AKAP6: variants seen among roughly 807,000 people sequenced by gnomAD.
AKAP6 encodes A-kinase anchor protein 6.
In AKAP6, 58 loss-of-function variants were observed where a neutral mutation model predicts 188.5. That is an observed-to-expected ratio of 0.31 (90% CI 0.25 to 0.38). The LOEUF (loss-of-function observed/expected upper bound fraction) is 0.38, where lower values mean the gene tolerates loss of function less well. Ranked by LOEUF, AKAP6 falls within the 10% of genes least tolerant of loss-of-function variation. AKAP6 has a pLI of 1.00. For missense variants in AKAP6, 2,710 were observed against 2,740.0 expected, an observed-to-expected ratio of 0.99 and a Z score of 0.24; for synonymous variants, 989 against 998.6, an observed-to-expected ratio of 0.99 and a Z score of 0.18.
chr14:32,731,039 T>C (rs1196908074), intron 9 of AKAP6, among the ~76,000 whole-genome samples: 1 of 152,170 alleles, frequency 6.6e-6, no homozygotes, highest in African/African-American at 2.4e-5. Context: ...CCACTATGCA[T>C]ATTCATGTAA....
intron 9 of AKAP6, among the ~76,000 whole-genome samples, chr14:32,714,711 TCA>T (rs2030090836): frequency 6.6e-6 from 1 of 151,930 alleles, no homozygotes; most frequent in Admixed American, 6.6e-5. Flanking sequence ...CAAATGCCCC[TCA>T]GTTTTTTTCA....
At chr14:32,790,382 A>G (rs1446291777) in intron 12 of AKAP6, among the ~76,000 whole-genome samples, 2 of 152,154 alleles carry the variant, frequency 1.3e-5, no homozygotes, top group South Asian at 4.1e-4. Context: ...CCCCAGTAAG[A>G]TATTCCATGA....
At chr14:32,750,148 T>A (rs530945490) in intron 11 of AKAP6, among the ~76,000 whole-genome samples, 8 of 152,320 alleles carry the variant, frequency 5.3e-5, no homozygotes, top group Non-Finnish European at 8.8e-5. Flanking sequence ...TTAAATATTT[T>A]GCTACATGGA....
At chr14:32,647,218 A>G (rs1029686651) in intron 7 of AKAP6, among the ~76,000 whole-genome samples, 1 of 152,140 alleles carries the variant, frequency 6.6e-6, no homozygotes. Context: ...GCTCAGGCCA[A>G]CATCCCTTAT....
At chr14:32,760,101 G>A (rs1019816682) in intron 11 of AKAP6, among the ~76,000 whole-genome samples, 8 of 152,084 alleles carry the variant, frequency 5.3e-5, no homozygotes, top group African/African-American at 1.7e-4. Flanking sequence ...AGACATGAAC[G>A]GAATCTGAGA....
In AKAP6 at chr14:32,836,845, C is replaced by T. The variant is rs1045473331; in HGVS notation, c.*7040C>T. ...TTTATGTGCTGCCCCAGGTAATCCACAGGCACAAAGAACTTGAGCTTCCTG... is the reference window on the plus strand; with the variant it reads ...TTTATGTGCTGCCCCAGGTAATCCATAGGCACAAAGAACTTGAGCTTCCTG... On this transcript the variant is annotated 3_prime_UTR_variant, in exon 14 of 14. Transcript: ENST00000280979. 2.0e-5 allele frequency: 3 copies of T among 152,262 alleles called. No homozygotes were observed. The highest frequency in any genetic ancestry group is 3.4e-3 in the Middle Eastern group (1 of 294). 9.4% of individuals were successfully genotyped at this position (152,262 alleles called of 1,614,324 possible).
chr14:32,398,862 T>TG (rs1888979189), intron 1 of AKAP6, among the ~76,000 whole-genome samples: 1 of 144,016 alleles, frequency 6.9e-6, no homozygotes, highest in Non-Finnish European at 1.5e-5. Flanking sequence ...TTTTTTTTTT[T>TG]TTTTTTTTTG....
chr14:32,517,207 G>T (rs1881569337), intron 2 of AKAP6, among the ~76,000 whole-genome samples: 1 of 152,188 alleles, frequency 6.6e-6, no homozygotes, highest in African/African-American at 2.4e-5. Context: ...TTTCCTTTAT[G>T]AATTTTACCT....
intron 4 of AKAP6, among the ~76,000 whole-genome samples, chr14:32,553,781 C>G (rs1368319943): frequency 6.6e-6 from 1 of 152,216 alleles, no homozygotes; most frequent in African/African-American, 2.4e-5. Flanking sequence ...AAGGGATGGT[C>G]TGTTCCCAAT....
At chr14:32,819,623 G>A (rs1277900036) in intron 12 of AKAP6, among the ~76,000 whole-genome samples, 1 of 152,106 alleles carries the variant, frequency 6.6e-6, no homozygotes, top group Non-Finnish European at 1.5e-5. Context: ...ATTGACTCAA[G>A]ACCACACTAG....
chr14:32,554,847 G>A (rs1028167873), intron 4 of AKAP6, among the ~76,000 whole-genome samples: 5 of 152,132 alleles, frequency 3.3e-5, no homozygotes, highest in African/African-American at 4.8e-5. Context: ...CGCATGGTCC[G>A]CCTCTCACAT....
rs944057549 is a variant in AKAP6 at position 32,813,398 on chromosome 14, C to CCG, written c.3589-8003_3589-8002insGC. Among the ~76,000 whole-genome samples the CCG allele has an allele frequency of 4.9e-4, 61 of 125,076 alleles. 3 individuals carry two copies. The East Asian group carries it at 0.016, about 33-fold the overall frequency. 82.1% of individuals were successfully genotyped at this position (125,076 alleles called of 152,430 possible). On this transcript the variant is annotated intron_variant, in intron 12 of 13. Transcript: ENST00000280979. The stretch of plus-strand genomic sequence containing the variant: ...TTTCATCTCTAACCCTACCCCCCCC[C>CCG]CCAACCCCTTTCCCAGAGGTCCTTC...
chr14:32,512,176 A>G (rs767104441), intron 2 of AKAP6, among the ~76,000 whole-genome samples: 1 of 152,174 alleles, frequency 6.6e-6, no homozygotes, highest in African/African-American at 2.4e-5. Flanking sequence ...ATGTTGATTA[A>G]TGTTGAAAGA....
intron 12 of AKAP6, among the ~76,000 whole-genome samples, chr14:32,813,054 T>A (rs1008290550): frequency 2.6e-5 from 4 of 152,178 alleles, no homozygotes; most frequent in Admixed American, 2.6e-4. Flanking sequence ...CCCACAAGAC[T>A]GCCTTCACTT....
At chr14:32,384,830 C>T (rs1026538459) in intron 1 of AKAP6, among the ~76,000 whole-genome samples, 1 of 151,916 alleles carries the variant, frequency 6.6e-6, no homozygotes, top group Non-Finnish European at 1.5e-5. Flanking sequence ...ATTTTGTGCT[C>T]ATATATGCAG....
chr14:32,650,272 A>C (rs1289494717), intron 7 of AKAP6, among the ~76,000 whole-genome samples: 1 of 152,184 alleles, frequency 6.6e-6, no homozygotes, highest in Non-Finnish European at 1.5e-5. Flanking sequence ...AACATAACGC[A>C]TAGCGGTTTG....
chr14:32,609,087 G>C (rs547464346), intron 7 of AKAP6, among the ~76,000 whole-genome samples: 5 of 152,136 alleles, frequency 3.3e-5, no homozygotes, highest in African/African-American at 1.2e-4. Context: ...CTGCTAAAGG[G>C]ATTACTCCGC....
chr14:32,540,188 A>T (rs1440387930), intron 3 of AKAP6, among the ~76,000 whole-genome samples: 24 of 132,388 alleles, frequency 1.8e-4, no homozygotes, highest in Non-Finnish European at 3.1e-4. Flanking sequence ...ATATATATAT[A>T]TATATTTTAA....
intron 12 of AKAP6, among the ~76,000 whole-genome samples, chr14:32,816,193 T>G (rs950976890): frequency 6.6e-6 from 1 of 152,004 alleles, no homozygotes; most frequent in African/African-American, 2.4e-5. Flanking sequence ...CTTATATGGT[T>G]TGTTTGTTTG....
Sources: gnomAD v4.1 joint callset for allele counts (sites outside exome capture counted in the v4.1 genomes callset) on GRCh38, gnomAD v4.1.1 for gene constraint, MANE v1.5 for transcripts, NCBI Gene and HGNC (gene_info 2026-07-23, HGNC 2026-07-21) for gene names.